Variants in DPP6 observed in about 807,000 individuals in gnomAD.
DPP6 encodes dipeptidyl peptidase like 6.
DPP6 carries 69 observed loss-of-function variants against 122.6 expected under a neutral mutation model. The observed-to-expected ratio is 0.56, with a 90% CI of 0.46 to 0.69. The LOEUF (loss-of-function observed/expected upper bound fraction) is 0.69, where lower values mean the gene tolerates loss of function less well. Among genes scored for constraint, DPP6 ranks in the 30% least tolerant of loss-of-function variants. The pLI is 0.00. For missense variants in DPP6, 928 were observed against 1,116.9 expected (o/e 0.83, Z 2.41); for synonymous variants, 418 against 433.1 (o/e 0.97, Z 0.43).
At chr7:154,766,624 AC>A (rs1483516481) in intron 8 of DPP6, among the ~76,000 whole-genome samples, 1 of 152,020 alleles carries the variant, frequency 6.6e-6, no homozygotes, top group Non-Finnish European at 1.5e-5. Context: ...ACATTTGGTA[AC>A]CTGTAGTGAT....
chr7:153,914,594 G>A (rs1674538937), intron 1 of DPP6, among the ~76,000 whole-genome samples: 1 of 152,144 alleles, frequency 6.6e-6, no homozygotes, highest in African/African-American at 2.4e-5. Flanking sequence ...TTAGAGTTGT[G>A]CTACCATCAC....
intron 7 of DPP6, among the ~76,000 whole-genome samples, chr7:154,679,615 G>A (rs139376300): frequency 5.3e-5 from 8 of 152,302 alleles, no homozygotes; most frequent in Admixed American, 3.3e-4. Flanking sequence ...TCCAGCGAGG[G>A]GAGGAAGATT....
At chr7:153,815,697 C>T in the DPP6 span, among the ~76,000 whole-genome samples, 2 of 152,152 alleles carry the variant, frequency 1.3e-5, no homozygotes, top group African/African-American at 4.8e-5. Flanking sequence ...CCTTGTACAG[C>T]TTCCCTAAAA....
chr7:154,859,253 C>G (rs1044399399), intron 17 of DPP6, among the ~76,000 whole-genome samples: 2 of 152,256 alleles, frequency 1.3e-5, no homozygotes, highest in African/African-American at 2.4e-5. Flanking sequence ...TGCAAAGCAG[C>G]AGCGCTTCCA....
chr7:154,461,033 A>G (rs1821257180), intron 2 of DPP6, among the ~76,000 whole-genome samples: 1 of 136,768 alleles, frequency 7.3e-6, no homozygotes, highest in Admixed American at 7.8e-5. Flanking sequence ...TCTGATAACC[A>G]TTTTTCTACT....
At chr7:154,698,147 A>G (rs186025467) in intron 7 of DPP6, among the ~76,000 whole-genome samples, 12 of 152,206 alleles carry the variant, frequency 7.9e-5, no homozygotes, top group Non-Finnish European at 1.8e-4. Flanking sequence ...AGTTACAATT[A>G]TTAGTTTTAC....
rs1802252320 is a variant in DPP6 at position 153,952,222 on chromosome 7, CAATT to C, written c.51+64492_51+64495del. 3.9e-5 allele frequency among the ~76,000 whole-genome samples: 6 copies of C among 152,270 alleles called. No homozygotes were observed. The South Asian group carries it at 1.2e-3, about 32-fold the overall frequency. On this transcript the variant is annotated intron_variant, in intron 1 of 25. Transcript: ENST00000404039. ...AGTGTTTTAACACTTAGTATATGCT[CAATT>C]AATGTGATATCAAAAGCAATTTTCT... is the stretch of plus-strand genomic sequence containing the variant.
intron 1 of DPP6, among the ~76,000 whole-genome samples, chr7:154,210,927 A>G (rs1799707952): frequency 6.6e-6 from 1 of 152,216 alleles, no homozygotes; most frequent in Non-Finnish European, 1.5e-5. Flanking sequence ...ATTTGATCCT[A>G]AAGCAATCTT....
At chr7:154,588,925 C>T (rs933247062) in intron 5 of DPP6, among the ~76,000 whole-genome samples, 1 of 152,162 alleles carries the variant, frequency 6.6e-6, no homozygotes, top group Non-Finnish European at 1.5e-5. Context: ...AAAAACTGTG[C>T]CCATGTGAAT....
chr7:154,119,111 G>A (rs1489634743), intron 1 of DPP6, among the ~76,000 whole-genome samples: 2 of 152,310 alleles, frequency 1.3e-5, no homozygotes, highest in East Asian at 3.9e-4. Context: ...GATGGATTGG[G>A]CTATAATCAA....
At chr7:153,916,293 GTT>G (rs1800313334) in intron 1 of DPP6, among the ~76,000 whole-genome samples, 1 of 150,156 alleles carries the variant, frequency 6.7e-6, no homozygotes, top group Non-Finnish European at 1.5e-5. Context: ...TAAATAACAT[GTT>G]CTTGGAGAAA....
At chr7:154,260,959 G>T (rs1585767309) in intron 1 of DPP6, among the ~76,000 whole-genome samples, 1 of 152,032 alleles carries the variant, frequency 6.6e-6, no homozygotes, top group Non-Finnish European at 1.5e-5. Context: ...GCAATGGTGT[G>T]ATCTCAGCTC....
At chr7:154,333,835 A>G (rs947970118) in intron 1 of DPP6, among the ~76,000 whole-genome samples, 19 of 152,348 alleles carry the variant, frequency 1.2e-4, no homozygotes, top group South Asian at 1.2e-3. Flanking sequence ...GTATTGCATT[A>G]TAATTTGTAA....
intron 1 of DPP6, among the ~76,000 whole-genome samples, chr7:154,345,859 A>G (rs948276335): frequency 6.6e-6 from 1 of 152,192 alleles, no homozygotes; most frequent in African/African-American, 2.4e-5. Flanking sequence ...TTCTCATTCC[A>G]GAGCAAGCCC....
chr7:153,983,382 C>T (rs572541579), intron 1 of DPP6, among the ~76,000 whole-genome samples: 28 of 152,330 alleles, frequency 1.8e-4, no homozygotes, highest in South Asian at 1.0e-3. Flanking sequence ...TCAGTAATGG[C>T]GATCACCCCT....
intron 1 of DPP6, among the ~76,000 whole-genome samples, chr7:153,977,822 C>G (rs1796385686): frequency 6.6e-6 from 1 of 151,872 alleles, no homozygotes; most frequent in Non-Finnish European, 1.5e-5. Flanking sequence ...TTTTCTGTTC[C>G]TGTTTGTTTG....
At chr7:154,879,854 G>A (rs1038555179) in intron 20 of DPP6, among the ~76,000 whole-genome samples, 4 of 152,090 alleles carry the variant, frequency 2.6e-5, no homozygotes, top group African/African-American at 7.2e-5. Context: ...TGTAAACAGG[G>A]CCCCTACACC....
intron 1 of DPP6, among the ~76,000 whole-genome samples, chr7:154,406,561 T>C (rs1816134619): frequency 6.6e-6 from 1 of 152,068 alleles, no homozygotes; most frequent in African/African-American, 2.4e-5. Flanking sequence ...ACACGTGGGT[T>C]TGCATGCTGA....
intron 1 of DPP6, among the ~76,000 whole-genome samples, chr7:154,333,196 A>G (rs920361967): frequency 1.3e-5 from 2 of 151,898 alleles, no homozygotes; most frequent in Non-Finnish European, 2.9e-5. Context: ...TCTGTAGCCC[A>G]GTTTGGAGAG....
Sources: allele counts gnomAD v4.1 joint callset (sites outside exome capture counted in the v4.1 genomes callset), GRCh38; gene constraint gnomAD v4.1.1; transcripts MANE v1.5; gene names NCBI Gene and HGNC (gene_info 2026-07-23, HGNC 2026-07-21).